The following NTN1 variants were observed in gnomAD, a reference collection of about 807,000 sequenced individuals.
NTN1 encodes the protein netrin 1.
Under a neutral mutation model 54.2 loss-of-function variants are expected in NTN1, and 11 were observed. That is an observed-to-expected ratio of 0.20 (90% CI 0.13 to 0.34). The LOEUF is 0.34. Among genes scored for constraint, NTN1 ranks in the 10% least tolerant of loss-of-function variants. NTN1 has a pLI of 1.00. For missense variants in NTN1, 740 were observed against 893.1 expected (o/e 0.83, Z 2.18); for synonymous variants, 371 against 382.0 (o/e 0.97, Z 0.33).
At chr17:9,063,232 G>T (rs1295421240) in intron 2 of NTN1, among the ~76,000 whole-genome samples, 3 of 151,922 alleles carry the variant, frequency 2.0e-5, no homozygotes, top group Non-Finnish European at 4.4e-5. Flanking sequence ...GAGTAGCTGG[G>T]ATTACAGGTA....
chr17:9,103,210 G>T (rs1382011719), intron 2 of NTN1, among the ~76,000 whole-genome samples: 1 of 152,226 alleles, frequency 6.6e-6, no homozygotes, highest in South Asian at 2.1e-4. Context: ...ACAGATATTT[G>T]TACCACCCAT....
rs1176505357 is a variant in NTN1, at chr17:9,064,346, C to T, written c.1018+40955C>T. Among the ~76,000 whole-genome samples, 5 of 152,304 alleles carry T rather than the reference C, an allele frequency of 3.3e-5. No individual in the cohort carries two copies. The East Asian group carries it at 9.6e-4, about 29-fold the overall frequency. Reference sequence around the variant, plus strand: ...CTCTGTAAATGACCGCTGCCATTTTCATGGCTTTCCATAAAGTGATGCCAA... The same window carrying T: ...CTCTGTAAATGACCGCTGCCATTTTTATGGCTTTCCATAAAGTGATGCCAA... On this transcript the variant is annotated intron_variant, in intron 2 of 6. Transcript: ENST00000173229.
chr17:9,094,741 A>G (rs1295521259), intron 2 of NTN1, among the ~76,000 whole-genome samples: 1 of 152,160 alleles, frequency 6.6e-6, no homozygotes, highest in Non-Finnish European at 1.5e-5. Context: ...CTGTAATCCC[A>G]GCACTTTGGA....
At chr17:9,061,181 T>C (rs1450286674) in intron 2 of NTN1, among the ~76,000 whole-genome samples, 1 of 151,794 alleles carries the variant, frequency 6.6e-6, no homozygotes, top group Admixed American at 6.6e-5. Flanking sequence ...TCTAGGGAGG[T>C]GGAGAAGGCC....
intron 5 of NTN1, among the ~76,000 whole-genome samples, chr17:9,206,846 T>C (rs919316330): frequency 3.9e-5 from 6 of 152,252 alleles, no homozygotes; most frequent in Non-Finnish European, 8.8e-5. Flanking sequence ...TATCGGCTCC[T>C]GCTCTCCTCC....
At chr17:9,117,693 G>A (rs566889874) in intron 2 of NTN1, among the ~76,000 whole-genome samples, 1 of 149,984 alleles carries the variant, frequency 6.7e-6, no homozygotes, top group South Asian at 2.1e-4. Context: ...GCAGTGAGGT[G>A]AGATTGTGCC....
intron 5 of NTN1, among the ~76,000 whole-genome samples, chr17:9,190,618 G>A (rs1293720781): frequency 2.6e-5 from 4 of 152,180 alleles, no homozygotes; most frequent in South Asian, 4.1e-4. Context: ...TTGGGAGGCC[G>A]AGGTAGGCAG....
intron 6 of NTN1, among the ~76,000 whole-genome samples, chr17:9,235,723 CTCT>C (rs1363453933): frequency 2.0e-4 from 29 of 146,230 alleles, no homozygotes; most frequent in South Asian, 9.3e-4. Flanking sequence ...TAGCTGCAGC[CTCT>C]TCTTCTTTCT....
chr17:9,157,334 A>G (rs2092345808), intron 2 of NTN1, among the ~76,000 whole-genome samples: 3 of 152,232 alleles, frequency 2.0e-5, no homozygotes, highest in African/African-American at 7.2e-5. Flanking sequence ...AGCTGGGAAC[A>G]TAGCTAGAAC....
intron 6 of NTN1, among the ~76,000 whole-genome samples, chr17:9,227,270 A>G (rs1339152033): frequency 6.6e-6 from 1 of 151,188 alleles, no homozygotes; most frequent in Non-Finnish European, 1.5e-5. Flanking sequence ...ACACAGGCAC[A>G]TATACCACAT....
intron 6 of NTN1, among the ~76,000 whole-genome samples, chr17:9,226,427 C>T (rs1017315481): frequency 1.0e-5 from 1 of 100,380 alleles, no homozygotes; most frequent in Non-Finnish European, 1.9e-5. Flanking sequence ...GAGGCGGTCT[C>T]GTGGGGAGGC....
At chr17:9,210,452 A>C (rs67718577) in intron 5 of NTN1, among the ~76,000 whole-genome samples, 140 of 26,162 alleles carry the variant, frequency 5.4e-3, no homozygotes, top group Non-Finnish European at 9.2e-3. Flanking sequence ...ACCCACACAC[A>C]CACACACACA....
At chr17:9,205,518 G>A (rs1201164457) in intron 5 of NTN1, among the ~76,000 whole-genome samples, 2 of 152,234 alleles carry the variant, frequency 1.3e-5, no homozygotes, top group Non-Finnish European at 1.5e-5. Flanking sequence ...TCCTAGCTAC[G>A]TGGGAGGCTA....
At chr17:9,130,832 G>A (rs770275643) in intron 2 of NTN1, among the ~76,000 whole-genome samples, 7 of 152,128 alleles carry the variant, frequency 4.6e-5, no homozygotes, top group Non-Finnish European at 1.0e-4. Context: ...ACCTTGCAAC[G>A]CCTGGTGGCG....
rs528580181 is a variant in NTN1 at position 9,183,862 on chromosome 17, G to A, written c.1411+893G>A. ...TGGCTGTCGGCACTCAGAGTGTACC[G>A]AGCCCTGCCAGATGCCCTGCTGAGA... On this transcript the variant is annotated intron_variant, in intron 5 of 6. Transcript: ENST00000173229. Among the ~76,000 whole-genome samples the A allele has an allele frequency of 3.9e-5, 6 of 152,300 alleles. No homozygotes were observed. The East Asian group carries it at 1.2e-3, about 29-fold the overall frequency.
chr17:9,055,643 T>C (rs1048692048), intron 2 of NTN1, among the ~76,000 whole-genome samples: 1 of 152,072 alleles, frequency 6.6e-6, no homozygotes, highest in Non-Finnish European at 1.5e-5. Flanking sequence ...AAGGCCAGTG[T>C]GGAGGAAGGT....
At chr17:9,057,590 T>A (rs1287043814) in intron 2 of NTN1, among the ~76,000 whole-genome samples, 1 of 152,196 alleles carries the variant, frequency 6.6e-6, no homozygotes, top group East Asian at 1.9e-4. Context: ...CTGTAATACT[T>A]TGGCTGCTGT....
At chr17:9,161,832 G>T (rs2092357753) in intron 2 of NTN1, among the ~76,000 whole-genome samples, 1 of 152,188 alleles carries the variant, frequency 6.6e-6, no homozygotes, top group African/African-American at 2.4e-5. Context: ...ATGCTGAGGG[G>T]AGCCTGTGGG....
intron 2 of NTN1, among the ~76,000 whole-genome samples, chr17:9,124,549 C>T (rs1391056301): frequency 1.3e-5 from 2 of 152,168 alleles, no homozygotes; most frequent in South Asian, 2.1e-4. Flanking sequence ...CTTTCCTTTC[C>T]GACAGTGATG....
Sources: gnomAD v4.1 joint callset for allele counts (sites outside exome capture counted in the v4.1 genomes callset) on GRCh38, gnomAD v4.1.1 for gene constraint, MANE v1.5 for transcripts, NCBI Gene and HGNC (gene_info 2026-07-23, HGNC 2026-07-21) for gene names.